ERC1: variants seen among roughly 807,000 people sequenced by gnomAD.
ERC1 encodes the protein ELKS/RAB6-interacting/CAST family member 1.
Under a neutral mutation model 132.0 loss-of-function variants are expected in ERC1, and 56 were observed. The ratio of observed to expected loss-of-function variants is 0.42; its 90% CI spans 0.34 to 0.53. The LOEUF (loss-of-function observed/expected upper bound fraction) is 0.53. Among genes scored for constraint, ERC1 ranks in the 20% least tolerant of loss-of-function variants. The pLI is 0.03. For missense variants in ERC1, 1,202 were observed against 1,349.9 expected, an observed-to-expected ratio of 0.89 and a Z score of 1.72; for synonymous variants, 478 against 476.1, an observed-to-expected ratio of 1.00 and a Z score of -0.05.
At chr12:1,265,875 TG>T in intron 14 of ERC1, among the ~76,000 whole-genome samples, 1 of 152,234 alleles carries the variant, frequency 6.6e-6, no homozygotes, top group African/African-American at 2.4e-5. Flanking sequence ...TTTTGTGGCT[TG>T]ATAGCTCATT....
At chr12:1,428,712 T>C (rs1184010007) in intron 17 of ERC1, among the ~76,000 whole-genome samples, 2 of 152,238 alleles carry the variant, frequency 1.3e-5, no homozygotes, top group African/African-American at 4.8e-5. Flanking sequence ...AGTACTGCTT[T>C]CATTCACTTG....
At chr12:1,197,094 C>T (rs1288209300) in intron 12 of ERC1, among the ~76,000 whole-genome samples, 5 of 150,022 alleles carry the variant, frequency 3.3e-5, no homozygotes, top group African/African-American at 1.2e-4. Context: ...GATTCTTGTG[C>T]GTCAGCCTTC....
chr12:1,351,532 A>C (rs1018795673), intron 15 of ERC1, among the ~76,000 whole-genome samples: 1 of 152,104 alleles, frequency 6.6e-6, no homozygotes, highest in Non-Finnish European at 1.5e-5. Flanking sequence ...CATTGTTCTC[A>C]TATGCATTTC....
At chr12:1,132,947 C>T (rs1265691884) in intron 7 of ERC1, among the ~76,000 whole-genome samples, 1 of 151,880 alleles carries the variant, frequency 6.6e-6, no homozygotes, top group African/African-American at 2.4e-5. Flanking sequence ...CCTCCGCCTC[C>T]TAGGTTCAAG....
chr12:1,465,092 A>G (rs1404599283), intron 18 of ERC1, among the ~76,000 whole-genome samples: 1 of 152,082 alleles, frequency 6.6e-6, no homozygotes, highest in African/African-American at 2.4e-5. Context: ...TGGAATTTTA[A>G]TGAGTCTTGA....
chr12:1,405,381 A>G (rs576716529), intron 16 of ERC1, among the ~76,000 whole-genome samples: 1 of 152,074 alleles, frequency 6.6e-6, no homozygotes, highest in African/African-American at 2.4e-5. Context: ...AAAGAACCTA[A>G]ATCTTCAACA....
At chr12:1,259,085 G>GATTTT (rs2154321112) in intron 13 of ERC1, among the ~76,000 whole-genome samples, 1 of 134,994 alleles carries the variant, frequency 7.4e-6, no homozygotes, top group Non-Finnish European at 1.6e-5. Context: ...ATTTTCTTTT[G>GATTTT]ATTTTATATC....
chr12:1,367,018 A>G (rs1451227544), intron 15 of ERC1, among the ~76,000 whole-genome samples: 1 of 152,194 alleles, frequency 6.6e-6, no homozygotes, highest in Non-Finnish European at 1.5e-5. Context: ...CACAGAGTTT[A>G]TTTAAGTAGT....
intron 16 of ERC1, among the ~76,000 whole-genome samples, chr12:1,372,187 G>A (rs2087322008): frequency 6.6e-6 from 1 of 152,160 alleles, no homozygotes; most frequent in Non-Finnish European, 1.5e-5. Flanking sequence ...GGCTGTTTTG[G>A]ACAATGTCAC....
intron 15 of ERC1, among the ~76,000 whole-genome samples, chr12:1,366,928 A>G (rs1179285596): frequency 6.6e-6 from 1 of 152,190 alleles, no homozygotes; most frequent in African/African-American, 2.4e-5. Context: ...AGGACATAAG[A>G]TATACAGGGA....
At chr12:1,436,919 A>T (rs2092965941) in intron 17 of ERC1, among the ~76,000 whole-genome samples, 1 of 152,132 alleles carries the variant, frequency 6.6e-6, no homozygotes. Flanking sequence ...CTAATGTCTC[A>T]TTCATAAATC....
intron 15 of ERC1, among the ~76,000 whole-genome samples, chr12:1,294,414 T>C (rs532739144): frequency 6.6e-6 from 1 of 152,248 alleles, no homozygotes; most frequent in East Asian, 1.9e-4. Flanking sequence ...AAGTAACAAA[T>C]AAAGAACTAA....
intron 16 of ERC1, among the ~76,000 whole-genome samples, chr12:1,394,205 C>G (rs1313183635): frequency 6.6e-6 from 1 of 150,820 alleles, no homozygotes; most frequent in Non-Finnish European, 1.5e-5. Flanking sequence ...TCGAGACCAT[C>G]CTGGCTAACA....
chr12:1,135,028 G>A (rs1452594711), intron 7 of ERC1, among the ~76,000 whole-genome samples: 5 of 152,106 alleles, frequency 3.3e-5, no homozygotes, highest in East Asian at 1.9e-4. Context: ...GTGCCCTGCC[G>A]GTCCTCAGTA....
intron 7 of ERC1, among the ~76,000 whole-genome samples, chr12:1,126,006 A>T (rs1948122483): frequency 2.0e-5 from 3 of 152,202 alleles, no homozygotes; most frequent in Admixed American, 2.0e-4. Flanking sequence ...GTGGAGTTTA[A>T]TGGGTATAGA....
chr12:1,246,335 A>T (rs2076158476), intron 13 of ERC1, among the ~76,000 whole-genome samples: 1 of 148,694 alleles, frequency 6.7e-6, no homozygotes, highest in Non-Finnish European at 1.5e-5. Flanking sequence ...TGAGCAAAAG[A>T]AAAAAAAAAG....
At chr12:1,317,439 A>C (rs1180816082) in intron 15 of ERC1, among the ~76,000 whole-genome samples, 1 of 152,166 alleles carries the variant, frequency 6.6e-6, no homozygotes, top group Non-Finnish European at 1.5e-5. Context: ...ATTAGGAGAA[A>C]TACCTAATGT....
At chr12:1,423,172 G>T (rs2092490180) in intron 17 of ERC1, among the ~76,000 whole-genome samples, 1 of 152,214 alleles carries the variant, frequency 6.6e-6, no homozygotes, top group Admixed American at 6.5e-5. Flanking sequence ...GAACTGCCTG[G>T]CCAACCTCTA....
intron 15 of ERC1, among the ~76,000 whole-genome samples, chr12:1,318,588 C>G (rs1327226193): frequency 2.0e-5 from 3 of 152,158 alleles, no homozygotes; most frequent in Non-Finnish European, 4.4e-5. Context: ...AAATAAAACT[C>G]AATCATTAAT....
Sources: allele counts gnomAD v4.1 joint callset (sites outside exome capture counted in the v4.1 genomes callset), GRCh38; gene constraint gnomAD v4.1.1; transcripts MANE v1.5; gene names NCBI Gene and HGNC (gene_info 2026-07-23, HGNC 2026-07-21).